MYCBP2: variants seen among roughly 807,000 people sequenced by gnomAD.
The protein encoded by MYCBP2 is E3 ubiquitin-protein ligase MYCBP2.
MYCBP2 carries 120 observed loss-of-function variants against 525.3 expected under a neutral mutation model. The ratio of observed to expected loss-of-function variants is 0.23; its 90% CI spans 0.20 to 0.27. The LOEUF is 0.27. Among genes scored for constraint, MYCBP2 ranks in the 10% least tolerant of loss-of-function variants. The pLI, the probability that MYCBP2 is intolerant of heterozygous loss-of-function variation, is 1.00. For synonymous variants in MYCBP2, 1,894 were observed against 1,955.8 expected, an observed-to-expected ratio of 0.97 and a Z score of 0.83; for missense variants, 4,149 against 5,657.1, an observed-to-expected ratio of 0.73 and a Z score of 8.55.
chr13:77,255,644 C>T (rs1024468111), intron 14 of MYCBP2, among the ~76,000 whole-genome samples: 5 of 151,598 alleles, frequency 3.3e-5, no homozygotes, highest in East Asian at 1.9e-4. Context: ...TGAAGTAATC[C>T]ATTTCTTTTC....
intron 54 of MYCBP2, 124 bp downstream of exon 54, chr13:77,125,212 T>C: frequency 1.6e-6 from 2 of 1,232,312 alleles, no homozygotes; most frequent in Non-Finnish European, 2.3e-6. Flanking sequence ...TTTTTAACTT[T>C]TAGTTTTGCT....
At chr13:77,172,086 A>C (rs775006008) in intron 37 of MYCBP2, among the ~76,000 whole-genome samples, 13 of 152,046 alleles carry the variant, frequency 8.6e-5, no homozygotes, top group Non-Finnish European at 1.3e-4. Context: ...TTTTTAGTAG[A>C]GATGGGGTTT....
chr13:77,076,898 T>C, intron 67 of MYCBP2, 49 bp from the exon 68 acceptor site: 1 of 1,397,896 alleles, frequency 7.2e-7, no homozygotes, highest in Non-Finnish European at 1.0e-6. Flanking sequence ...GCATTAACAC[T>C]ATATTGGCCA....
chr13:77,108,702 T>A (rs1457516948), intron 55 of MYCBP2, among the ~76,000 whole-genome samples: 1 of 150,160 alleles, frequency 6.7e-6, no homozygotes, highest in Non-Finnish European at 1.5e-5. Context: ...GATAAGATAC[T>A]TTATTTTTTT....
rs367875741 is a variant in MYCBP2 at position 77,251,135 on chromosome 13, A to C, written c.2381+16T>G. On this transcript the variant is annotated intron_variant, in intron 15 of 82. Coordinates refer to ENST00000544440, the MANE Select transcript of MYCBP2 (RefSeq NM_015057.5). ...TGTTCTGCACATGTTCTTTAGTAGG[A>C]ATCATTGTCTCTTACCCTCCGGGGA... 2.8e-5 allele frequency: 45 copies of C among 1,611,228 alleles called. No individual in the cohort carries two copies. Among genetic ancestry groups the C allele is most frequent in the Non-Finnish European group, 3.4e-5 (40 of 1,178,590 alleles).
intron 1 of MYCBP2, among the ~76,000 whole-genome samples, chr13:77,303,949 A>G (rs2079096274): frequency 6.6e-6 from 1 of 152,212 alleles, no homozygotes; most frequent in African/African-American, 2.4e-5. Flanking sequence ...TGGTTCTCTG[A>G]AAAGATTAGT....
chr13:77,214,701 A>AG (rs11423040), intron 21 of MYCBP2, among the ~76,000 whole-genome samples: 11,355 of 152,252 alleles, frequency 0.075, 693 homozygotes, highest in African/African-American at 0.16. Flanking sequence ...TAGACGGTAT[A>AG]TCTACTACAT....
Position 77,065,975 on chromosome 13 carries a change from G to A in MYCBP2, c.12552+17C>T. 1 of 1,595,850 alleles carries A rather than the reference G, an allele frequency of 6.3e-7. No homozygotes were observed. The highest frequency in any genetic ancestry group is 1.3e-5 in the African/African-American group (1 of 74,590). ...CCTGCCGCACTTCACTGCCAAAACAGAAGAATGGGAACTTACTGCTGCCAT... is the reference window on the plus strand; with the variant it reads ...CCTGCCGCACTTCACTGCCAAAACAAAAGAATGGGAACTTACTGCTGCCAT... On this transcript the variant is annotated intron_variant, in intron 72 of 82. Transcript: ENST00000544440.
Position 77,257,923 on chromosome 13 carries a change from G to T in MYCBP2, c.2018-94C>A, listed in dbSNP as rs575518333. On this transcript the variant is annotated intron_variant, in intron 13 of 82. Coordinates refer to ENST00000544440, the MANE Select transcript of MYCBP2 (RefSeq NM_015057.5). ...TCAATGCAGAACCGTTTATTTCTGG[G>T]GCAAAATAACTCAACAAAATGAGAA... 3.5e-5 allele frequency: 35 copies of T among 990,060 alleles called. No individual in the cohort carries two copies. The South Asian group carries it at 7.7e-4, about 22-fold the overall frequency. The allele number at this position is 990,060 out of a possible 1,614,324, so 61.3% of individuals were successfully genotyped here.
intron 1 of MYCBP2, among the ~76,000 whole-genome samples, chr13:77,311,007 C>A (rs1317058282): frequency 1.3e-5 from 2 of 152,048 alleles, no homozygotes; most frequent in African/African-American, 2.4e-5. Flanking sequence ...CAAATAAAAG[C>A]AAATTCTGGA....
chr13:77,167,571 G>A (rs2058683800), intron 40 of MYCBP2, among the ~76,000 whole-genome samples: 1 of 152,098 alleles, frequency 6.6e-6, no homozygotes, highest in Non-Finnish European at 1.5e-5. Flanking sequence ...ACAATATATG[G>A]ATTTTATATG....
chr13:77,281,237 T>C (rs1196257359), intron 3 of MYCBP2, among the ~76,000 whole-genome samples: 8 of 152,168 alleles, frequency 5.3e-5, no homozygotes, highest in African/African-American at 1.9e-4. Context: ...GTAAAAAACA[T>C]TTTAATGTGT....
rs143950298 is a variant in MYCBP2, at chr13:77,297,762, T to C, written c.303-1088A>G. On this transcript the variant is annotated intron_variant, in intron 1 of 82. Transcript: ENST00000544440. The stretch of plus-strand genomic sequence containing the variant: ...GCAGATGAAAATGTTATCCTTGACA[T>C]TGCCTTCAGTTTCACTCTTGAAATC... Among the ~76,000 whole-genome samples, 33 of 152,316 alleles carry C rather than the reference T, an allele frequency of 2.2e-4. No individual in the cohort carries two copies. In the East Asian group the frequency reaches 4.2e-3, roughly 20 times the overall value.
At chr13:77,167,123 G>A (rs2058640328) in intron 40 of MYCBP2, among the ~76,000 whole-genome samples, 1 of 151,728 alleles carries the variant, frequency 6.6e-6, no homozygotes, top group South Asian at 2.1e-4. Flanking sequence ...GTGTGTCTGT[G>A]GTCCTTGTTT....
intron 52 of MYCBP2, among the ~76,000 whole-genome samples, chr13:77,135,137 T>G (rs910081899): frequency 6.6e-6 from 1 of 152,196 alleles, no homozygotes; most frequent in African/African-American, 2.4e-5. Context: ...GTTGAAGAGA[T>G]AGACACAAAC....
Position 77,273,663 on chromosome 13 carries a change from G to C in MYCBP2, c.754C>G (p.Leu252Val). 1.3e-6 allele frequency: 2 copies of C among 1,522,048 alleles called. No individual in the cohort carries two copies. The highest frequency in any genetic ancestry group is 1.8e-6 in the Non-Finnish European group (2 of 1,137,760). 94.3% of individuals were successfully genotyped at this position (1,522,048 alleles called of 1,614,324 possible). A position where few individuals can be genotyped will look rare whatever the true frequency, so the allele number is the denominator to read the frequency against. The change falls in exon 5 of 83, where the codon CTC (leucine) becomes GTC (valine). Residue 252 changes from leucine to valine, a missense_variant. Around this residue, in one of 21 missense-constraint regions of MYCBP2, gnomAD observed 413 missense variants for 451.2 expected, o/e 0.92. Coordinates refer to ENST00000544440, the MANE Select transcript of MYCBP2 (RefSeq NM_015057.5). The stretch of plus-strand genomic sequence containing the variant: ...GTGATTTCCAAAAGAAGCTGGAAGA[G>C]AGACTCTGTGGATAAAATAGAATTC... ...QSEPPEVLES[L>V]FQLLLEITVR... is the part of the protein sequence containing the mutation.
chr13:77,125,492 T>C (rs2051491695), intron 53 of MYCBP2, 24 bp from the exon 54 acceptor site: 2 of 1,611,754 alleles, frequency 1.2e-6, no homozygotes, highest in South Asian at 2.2e-5. Flanking sequence ...AAAAGCATGA[T>C]TGATTGGCTT....
At chr13:77,288,024 T>C (rs2077065767) in intron 3 of MYCBP2, 137 bp downstream of exon 3, 4 of 815,194 alleles carry the variant, frequency 4.9e-6, no homozygotes, top group Non-Finnish European at 7.7e-6. Context: ...TCCAAATCTA[T>C]TTTTGCCCAT....
intron 57 of MYCBP2, among the ~76,000 whole-genome samples, chr13:77,095,956 A>G (rs1442934193): frequency 1.3e-5 from 2 of 152,116 alleles, no homozygotes; most frequent in Non-Finnish European, 2.9e-5. Flanking sequence ...GAGAGTAGAT[A>G]TGGAATAGGA....
Sources: gnomAD v4.1 joint callset for allele counts (sites outside exome capture counted in the v4.1 genomes callset) on GRCh38, gnomAD v4.1.1 for gene constraint, gnomAD v4.1.1 regional missense constraint, MANE v1.5 for transcripts, NCBI Gene and HGNC (gene_info 2026-07-23, HGNC 2026-07-21) for gene names.